MALRD1: variants seen among roughly 807,000 people sequenced by gnomAD.
MALRD1 encodes MAM and LDL receptor class A domain containing 1.
In MALRD1, 247 loss-of-function variants were observed where a neutral mutation model predicts 242.1. The observed-to-expected ratio is 1.02, with a 90% CI of 0.92 to 1.13. MALRD1 has a LOEUF of 1.13. MALRD1 is among the 50% of genes most tolerant of loss of function. The pLI is 0.00. For missense variants in MALRD1, 2,989 were observed against 2,533.1 expected (o/e 1.18, Z -3.86); for synonymous variants, 995 against 866.6 (o/e 1.15, Z -2.60).
chr10:19,341,772 T>C (rs1843890233), intron 24 of MALRD1, among the ~76,000 whole-genome samples: 1 of 151,884 alleles, frequency 6.6e-6, no homozygotes, highest in South Asian at 2.1e-4. Context: ...GCGATGTAAC[T>C]GAAGGAGTTA....
intron 26 of MALRD1, among the ~76,000 whole-genome samples, chr10:19,363,936 A>G (rs908223558): frequency 2.0e-5 from 3 of 152,112 alleles, no homozygotes; most frequent in Non-Finnish European, 4.4e-5. Flanking sequence ...AAAATATTGC[A>G]TTGCATTGCA....
chr10:19,327,780 T>A (rs1843200271), intron 23 of MALRD1, 107 bp downstream of exon 23: 1 of 903,384 alleles, frequency 1.1e-6, no homozygotes, highest in Admixed American at 2.1e-5. Context: ...CCCTTTTTGA[T>A]GTGTTCTGTG....
At chr10:19,175,953 A>C (rs12359056) in intron 14 of MALRD1, among the ~76,000 whole-genome samples, 1 of 152,052 alleles carries the variant, frequency 6.6e-6, no homozygotes, top group Admixed American at 6.6e-5. Context: ...AAACCTAATC[A>C]TTATTTAGAT....
chr10:19,728,885 C>G (rs538445045), intron 38 of MALRD1, among the ~76,000 whole-genome samples: 5 of 152,208 alleles, frequency 3.3e-5, no homozygotes, highest in African/African-American at 1.2e-4. Context: ...ATAGACTAGT[C>G]TTGAATAAAG....
intron 32 of MALRD1, among the ~76,000 whole-genome samples, chr10:19,560,124 C>T (rs996470297): frequency 6.6e-6 from 1 of 152,168 alleles, no homozygotes; most frequent in African/African-American, 2.4e-5. Context: ...TTGACCCAGT[C>T]ATCCCATTAC....
chr10:19,633,302 CG>C lies in MALRD1; in HGVS notation c.6137+17380del, dbSNP rs1454420827. On this transcript the variant is annotated intron_variant, in intron 36 of 39. Coordinates refer to ENST00000454679, the MANE Select transcript of MALRD1 (RefSeq NM_001142308.3). Reference sequence around the variant, plus strand: ...TTTCTTGGCCATGTTGTGAGTTTCACGCCCCCTCATTGGAGAAGCACGGTGT... The same window carrying C: ...TTTCTTGGCCATGTTGTGAGTTTCACCCCCCTCATTGGAGAAGCACGGTGT... Among the ~76,000 whole-genome samples the C allele has an allele frequency of 9.2e-5, 14 of 152,226 alleles. No homozygotes were observed. In the South Asian group the frequency reaches 2.1e-3, roughly 23 times the overall value.
chr10:19,267,497 G>A (rs1334795965), intron 19 of MALRD1, among the ~76,000 whole-genome samples: 1 of 151,890 alleles, frequency 6.6e-6, no homozygotes, highest in East Asian at 1.9e-4. Flanking sequence ...TAGCCTCAGT[G>A]TCTCACCAGC....
At chr10:19,060,165 A>G (rs1037694948) in intron 1 of MALRD1, among the ~76,000 whole-genome samples, 1 of 152,018 alleles carries the variant, frequency 6.6e-6, no homozygotes, top group African/African-American at 2.4e-5. Flanking sequence ...GTTTGTGTGC[A>G]TGTGCTTGTG....
upstream of MALRD1, among the ~76,000 whole-genome samples, chr10:19,047,150 C>T (rs533525686): frequency 8.0e-4 from 121 of 152,062 alleles, no homozygotes; most frequent in African/African-American, 2.5e-3. Context: ...GAGTCTTCAA[C>T]GGAAATATGG....
chr10:19,734,118 CT>C lies in MALRD1; in HGVS notation c.6391-38del. The stretch of plus-strand genomic sequence containing the variant: ...TTAAAGAGTTTTCTTATCTTAATGC[CT>C]AAAATTCCACCCTTTCAAATGTGTT... On this transcript the variant is annotated intron_variant, in intron 39 of 39. Coordinates refer to ENST00000454679, the MANE Select transcript of MALRD1 (RefSeq NM_001142308.3). 4 of 1,475,956 alleles carry C rather than the reference CT, an allele frequency of 2.7e-6. No homozygotes were observed. The South Asian group carries it at 5.0e-5, about 18-fold the overall frequency. The allele number at this position is 1,475,956 out of a possible 1,614,324, so 91.4% of individuals were successfully genotyped here.
intron 38 of MALRD1, among the ~76,000 whole-genome samples, chr10:19,716,152 G>T (rs1834375601): frequency 6.6e-6 from 1 of 152,178 alleles, no homozygotes. Context: ...ATCTTGATTT[G>T]TTGAAATATA....
chr10:19,588,031 C>T (rs1485667812), intron 33 of MALRD1, among the ~76,000 whole-genome samples: 1 of 151,316 alleles, frequency 6.6e-6, no homozygotes, highest in Non-Finnish European at 1.5e-5. Context: ...CTGCAAAAGT[C>T]CTTTATGTAA....
At chr10:19,240,340 A>G (rs1838702381) in intron 18 of MALRD1, among the ~76,000 whole-genome samples, 2 of 152,192 alleles carry the variant, frequency 1.3e-5, no homozygotes, top group East Asian at 3.9e-4. Flanking sequence ...TTTGTATACT[A>G]CAACTTTACT....
At chr10:19,552,803 A>G (rs1835545715) in intron 32 of MALRD1, among the ~76,000 whole-genome samples, 1 of 152,082 alleles carries the variant, frequency 6.6e-6, no homozygotes, top group Non-Finnish European at 1.5e-5. Context: ...TACACAATAA[A>G]CATCAAGTTC....
chr10:19,523,239 C>T (rs1833957149), intron 31 of MALRD1, among the ~76,000 whole-genome samples: 1 of 152,154 alleles, frequency 6.6e-6, no homozygotes, highest in Non-Finnish European at 1.5e-5. Flanking sequence ...GCTCCAGTGC[C>T]TTCAGACTTA....
chr10:19,220,165 A>G (rs1303724324), intron 18 of MALRD1, among the ~76,000 whole-genome samples: 1 of 152,120 alleles, frequency 6.6e-6, no homozygotes. Flanking sequence ...GGCCTTTTAT[A>G]TAGGACATCT....
At chr10:19,064,293 G>C (rs2131235230) in intron 1 of MALRD1, among the ~76,000 whole-genome samples, 1 of 152,314 alleles carries the variant, frequency 6.6e-6, no homozygotes, top group Admixed American at 6.5e-5. Flanking sequence ...AGTGATGGCT[G>C]TAATCTACAT....
At chr10:19,370,508 T>C (rs192954138) in intron 26 of MALRD1, among the ~76,000 whole-genome samples, 1 of 152,328 alleles carries the variant, frequency 6.6e-6, no homozygotes, top group East Asian at 1.9e-4. Context: ...TTTTGCTGTA[T>C]TAAAAGTACA....
intron 26 of MALRD1, among the ~76,000 whole-genome samples, chr10:19,385,788 T>C (rs1221779237): frequency 1.3e-5 from 2 of 152,112 alleles, no homozygotes; most frequent in Non-Finnish European, 2.9e-5. Flanking sequence ...TTAGTTCTTT[T>C]TCTTCTAGTT....
Sources: allele counts gnomAD v4.1 joint callset (sites outside exome capture counted in the v4.1 genomes callset), GRCh38; gene constraint gnomAD v4.1.1; transcripts MANE v1.5; gene names NCBI Gene and HGNC (gene_info 2026-07-23, HGNC 2026-07-21).